CDADC1: variants seen among roughly 807,000 people sequenced by gnomAD.
The protein encoded by CDADC1 is dCTP deaminase.
CDADC1 carries 39 observed loss-of-function variants against 54.9 expected under a neutral mutation model. The observed-to-expected ratio is 0.71, with a 90% CI of 0.55 to 0.93. The LOEUF (loss-of-function observed/expected upper bound fraction) is 0.93. CDADC1 is among the 40% of genes least tolerant of loss of function. The pLI, the probability that CDADC1 is intolerant of heterozygous loss-of-function variation, is 0.00. For missense variants in CDADC1, 518 were observed against 618.8 expected, an observed-to-expected ratio of 0.84 and a Z score of 1.73; for synonymous variants, 186 against 204.0, an observed-to-expected ratio of 0.91 and a Z score of 0.75.
intron 8 of CDADC1, among the ~76,000 whole-genome samples, chr13:49,282,236 G>GTTTTTTTTTTT (rs759792512): frequency 1.8e-4 from 17 of 94,140 alleles, no homozygotes; most frequent in East Asian, 3.5e-4. Flanking sequence ...GTTTTTGTGG[G>GTTTTTTTTTTT]TTTTTTTTTT....
chr13:49,290,787 C>T (rs1001824011), intron 9 of CDADC1, among the ~76,000 whole-genome samples: 1 of 152,026 alleles, frequency 6.6e-6, no homozygotes, highest in African/African-American at 2.4e-5. Context: ...AGTTCAAGAC[C>T]AGTTTGGGTA....
intron 8 of CDADC1, among the ~76,000 whole-genome samples, chr13:49,285,251 T>C (rs1345856078): frequency 2.0e-5 from 3 of 150,848 alleles, no homozygotes; most frequent in Non-Finnish European, 4.4e-5. Flanking sequence ...CAATCTCGGC[T>C]CACTGCAAGC....
chr13:49,280,739 T>C (rs775634084), intron 8 of CDADC1, 41 bp downstream of exon 8: 62 of 1,248,466 alleles, frequency 5.0e-5, no homozygotes, highest in Non-Finnish European at 6.2e-5. Context: ...TTTTGTATTA[T>C]GTTGTTAGGT....
intron 8 of CDADC1, among the ~76,000 whole-genome samples, chr13:49,284,629 CCTTT>C (rs1194615098): frequency 1.3e-5 from 2 of 152,212 alleles, no homozygotes; most frequent in South Asian, 2.1e-4. Context: ...AGCTTCCTAC[CCTTT>C]CTAAGTCTTC....
intron 6 of CDADC1, among the ~76,000 whole-genome samples, chr13:49,275,912 G>A (rs1269803504): frequency 6.6e-6 from 1 of 151,562 alleles, no homozygotes; most frequent in East Asian, 1.9e-4. Flanking sequence ...GGGACTACAG[G>A]TGTGTGCCAC....
At chr13:49,279,817 G>A (rs550013063) in intron 7 of CDADC1, among the ~76,000 whole-genome samples, 3 of 152,262 alleles carry the variant, frequency 2.0e-5, no homozygotes, top group African/African-American at 7.2e-5. Context: ...AGCCCCAGTT[G>A]TTAGTCCTAA....
In CDADC1 at chr13:49,248,900, C is replaced by A. The variant is rs764836679; in HGVS notation, c.112C>A (p.Leu38Ile). ...GATACCAAGGCTTTCTAAAGTCAAC[C>A]TTTTCACTCTGCTCAGCCTCTGGAT... The part of the protein sequence containing the change: ...GQIPRLSKVN[L>I]FTLLSLWMEL... The change falls in exon 2 of 10, where the codon CTT becomes ATT. Residue 38 changes from leucine (L) to isoleucine (I), a missense_variant. Physicochemically the swap from Leu to Ile is conservative, Grantham distance 5 (BLOSUM62 2). Transcript: ENST00000251108. 4 of 1,612,126 alleles carry A rather than the reference C, an allele frequency of 2.5e-6. No individual in the cohort carries two copies. Among genetic ancestry groups the A allele is most frequent in the Non-Finnish European group, 3.4e-6 (4 of 1,178,184 alleles).
Position 49,289,946 on chromosome 13 carries a change from T to C in CDADC1, c.1472-1738T>C, listed in dbSNP as rs531782526. On this transcript the variant is annotated intron_variant, in intron 9 of 9. Coordinates refer to ENST00000251108, the MANE Select transcript of CDADC1 (RefSeq NM_030911.4). The stretch of plus-strand genomic sequence containing the variant: ...CTGTAGTCCCAGCTACCGCAGAGGC[T>C]GACATAGGAGGATCACCTGAGCCCA... Among the ~76,000 whole-genome samples the C allele has an allele frequency of 5.9e-5, 9 of 152,224 alleles. No homozygotes were observed. In the East Asian group the frequency reaches 1.7e-3, roughly 29 times the overall value.
intron 2 of CDADC1, among the ~76,000 whole-genome samples, chr13:49,255,508 CT>C (rs1031377183): frequency 2.0e-5 from 3 of 152,214 alleles, no homozygotes; most frequent in Non-Finnish European, 4.4e-5. Flanking sequence ...CTCTATTCCA[CT>C]TTAGTCATTC....
intron 9 of CDADC1, among the ~76,000 whole-genome samples, chr13:49,288,690 G>GA (rs1953597427): frequency 6.6e-6 from 1 of 152,184 alleles, no homozygotes; most frequent in African/African-American, 2.4e-5. Context: ...CTCAGAGGGG[G>GA]ACTTGCTGCT....
chr13:49,278,559 G>GC, intron 7 of CDADC1, 40 bp downstream of exon 7: 1 of 1,322,790 alleles, frequency 7.6e-7, no homozygotes, highest in Non-Finnish European at 1.0e-6. Context: ...TTAAAATGTA[G>GC]CAAGGGTTGG....
Position 49,293,476 on chromosome 13 carries a change from T to G in CDADC1, c.*1719T>G, listed in dbSNP as rs1443191036. ...TGGTCAGATTTCAATAAATAATCAT[T>G]GATGGTTTACTGTGTAGCCTCAGAA... On this transcript the variant is annotated 3_prime_UTR_variant, in exon 10 of 10. Transcript: ENST00000251108. The G allele has an allele frequency of 6.6e-6, 1 of 152,074 alleles. No individual in the cohort carries two copies. Among genetic ancestry groups the G allele is most frequent in the Non-Finnish European group, 1.5e-5 (1 of 68,052 alleles). The allele number at this position is 152,074 out of a possible 1,614,324, so 9.4% of individuals were successfully genotyped here.
At chr13:49,286,959 G>A (rs866483826) in intron 9 of CDADC1, among the ~76,000 whole-genome samples, 1 of 152,248 alleles carries the variant, frequency 6.6e-6, no homozygotes, top group Non-Finnish European at 1.5e-5. Context: ...GGGAGGCCAA[G>A]GCAGGGGGAT....
At position 49,265,670 on chromosome 13, in the gene CDADC1, TAATA is replaced by T. The variant is rs778193959; in HGVS notation, c.431-1815_431-1812del. The stretch of plus-strand genomic sequence containing the variant: ...CAGATTATTGTTATTTTTAATGAAT[TAATA>T]AATATTTTAAATTTTGTTTTAATTT... On this transcript the variant is annotated intron_variant, in intron 4 of 9. Transcript: ENST00000251108. Among the ~76,000 whole-genome samples the T allele has an allele frequency of 5.3e-4, 81 of 152,244 alleles. 1 individual carries two copies. Among genetic ancestry groups the T allele is most frequent in the Non-Finnish European group, 4.0e-4 (27 of 68,028 alleles).
At chr13:49,279,618 A>G (rs571991925) in intron 7 of CDADC1, among the ~76,000 whole-genome samples, 21 of 152,334 alleles carry the variant, frequency 1.4e-4, no homozygotes, top group African/African-American at 5.1e-4. Flanking sequence ...TGACAGAGCC[A>G]TACGCTATAG....
intron 5 of CDADC1, among the ~76,000 whole-genome samples, chr13:49,270,813 G>A (rs973808612): frequency 6.6e-6 from 1 of 152,188 alleles, no homozygotes; most frequent in African/African-American, 2.4e-5. Flanking sequence ...CCTACTATGT[G>A]TCAAGCACTG....
rs1952860354 is a variant in CDADC1, at chr13:49,267,907, T to C, written c.848T>C (p.Leu283Ser). ...RQNMKDLILL[L>S]ATVASSVPNF... ...AACATGAAAGACCTTATCCTACTTT[T>C]GGCCACAGTAGCTTCCAGTGTGCCG... Residue 283 changes from leucine (L) to serine (S), a missense_variant, in exon 5 of 10, where the codon TTG becomes TCG. By Grantham distance (145) the Leu-to-Ser change is moderately radical. Coordinates refer to ENST00000251108, the MANE Select transcript of CDADC1 (RefSeq NM_030911.4). The C allele has an allele frequency of 6.2e-7, 1 of 1,614,200 alleles. No homozygotes were observed. The highest frequency in any genetic ancestry group is 2.2e-5 in the East Asian group (1 of 44,888).
At chr13:49,284,639 T>C (rs1316005808) in intron 8 of CDADC1, among the ~76,000 whole-genome samples, 1 of 152,246 alleles carries the variant, frequency 6.6e-6, no homozygotes, top group African/African-American at 2.4e-5. Context: ...CCTTTCTAAG[T>C]CTTCTCTCTT....
intron 3 of CDADC1, 109 bp downstream of exon 3, chr13:49,256,022 ATACTC>A: frequency 7.0e-7 from 1 of 1,426,122 alleles, no homozygotes; most frequent in Non-Finnish European, 9.3e-7. Flanking sequence ...AGTTTTTAAA[ATACTC>A]TTCTAAAAAT....
Sources: gnomAD v4.1 joint callset for allele counts (sites outside exome capture counted in the v4.1 genomes callset) on GRCh38, gnomAD v4.1.1 for gene constraint, MANE v1.5 for transcripts, NCBI Gene and HGNC (gene_info 2026-07-23, HGNC 2026-07-21) for gene names.